Variants in CHIA observed in about 807,000 individuals in gnomAD.
CHIA encodes acidic mammalian chitinase.
In CHIA, 47 loss-of-function variants were observed where a neutral mutation model predicts 53.5. The ratio of observed to expected loss-of-function variants is 0.88; its 90% CI spans 0.70 to 1.12. CHIA has a LOEUF of 1.12. CHIA is among the 50% of genes most tolerant of loss of function. CHIA has a pLI of 0.00. For synonymous variants in CHIA, 268 were observed against 222.2 expected (o/e 1.21, Z -1.83); for missense variants, 652 against 592.2 (o/e 1.10, Z -1.05).
At chr1:111,314,461 C>A in intron 4 of CHIA, 79 bp from the exon 5 acceptor site, 3 of 980,060 alleles carry the variant, frequency 3.1e-6, no homozygotes, top group South Asian at 2.7e-5. Flanking sequence ...CTGACCAGAT[C>A]CAACACTAAA....
intron 1 of CHIA, among the ~76,000 whole-genome samples, chr1:111,292,813 T>C (rs1041815654): frequency 1.3e-5 from 2 of 152,200 alleles, no homozygotes; most frequent in East Asian, 3.9e-4. Context: ...CTATTCTAAG[T>C]ATCTCACATA....
intron 1 of CHIA, among the ~76,000 whole-genome samples, chr1:111,293,529 C>T (rs180801067): frequency 3.9e-5 from 6 of 152,062 alleles, no homozygotes; most frequent in African/African-American, 1.2e-4. Context: ...TCTACCATTC[C>T]GTGAGTTGCA....
rs939228758 is a variant in CHIA at position 111,314,458 on chromosome 1, G to A, written c.258-82G>A. 93 of 959,514 alleles carry A rather than the reference G, an allele frequency of 9.7e-5. 1 individual carries two copies. The highest frequency in any genetic ancestry group is 5.5e-5 in the Non-Finnish European group (33 of 595,902). The allele number at this position is 959,514 out of a possible 1,614,324, so 59.4% of individuals were successfully genotyped here. A position where few individuals can be genotyped will look rare whatever the true frequency, so the allele number is the denominator to read the frequency against. ...AAGGCAAAACAAAAATATCTGACCA[G>A]ATCCAACACTAAAGCAATGTATTTT... On this transcript the variant is annotated intron_variant, in intron 4 of 11. Coordinates refer to ENST00000369740, the MANE Select transcript of CHIA (RefSeq NM_201653.4).
intron 1 of CHIA, among the ~76,000 whole-genome samples, chr1:111,292,304 A>C (rs958378343): frequency 6.6e-6 from 1 of 152,242 alleles, no homozygotes; most frequent in Non-Finnish European, 1.5e-5. Context: ...CACAGGTGAA[A>C]TAACTTGTCT....
At chr1:111,316,334 G>A (rs1283501559) in intron 6 of CHIA, 1 of 155,012 alleles carries the variant, frequency 6.5e-6, no homozygotes, top group Non-Finnish European at 1.4e-5. Context: ...TACCATAGAG[G>A]ATAAATTAGA....
rs563134755 is a variant in CHIA at position 111,294,050 on chromosome 1, CGAGCCTGGGTGACAGAGTGA to C, written c.-69+3103_-69+3122del. Among the ~76,000 whole-genome samples the C allele has an allele frequency of 2.4e-3, 365 of 152,240 alleles. 2 individuals are homozygous for C. Among genetic ancestry groups the C allele is most frequent in the African/African-American group, 8.2e-3 (342 of 41,536 alleles). ...TGAGCTATGATCATGCCACTGCACT[CGAGCCTGGGTGACAGAGTGA>C]GACCCTGTCTCAAAAAACAATGACA... On this transcript the variant is annotated intron_variant, in intron 1 of 11. Coordinates refer to ENST00000369740, the MANE Select transcript of CHIA (RefSeq NM_201653.4).
In CHIA at chr1:111,319,407, C is replaced by A. The variant is rs541197537; in HGVS notation, c.1116C>A (p.Cys372Ter). ...TGGATGACTTCACTGGCACTTTCTG[C>A]AACCAGGGCAAGTTTCCCCTAATCT... Reference protein sequence around the residue: ...IDLDDFTGTFCNQGKFPLIST... With the variant: ...IDLDDFTGTF The change falls in exon 11 of 12, where the codon TGC (cysteine) becomes TGA (stop). Residue 372 changes from cysteine to a stop codon, truncating the protein, a stop_gained. Transcript: ENST00000369740. LOFTEE classifies it high-confidence loss of function. 6.2e-7 allele frequency: 1 copy of A among 1,614,158 alleles called. No homozygotes were observed. The highest frequency in any genetic ancestry group is 1.1e-5 in the South Asian group (1 of 91,080).
intron 1 of CHIA, among the ~76,000 whole-genome samples, chr1:111,294,104 A>G (rs1015593149): frequency 4.0e-4 from 61 of 152,130 alleles, no homozygotes; most frequent in African/African-American, 1.5e-3. Context: ...CAACAAAGAA[A>G]ACATCACTGG....
rs966945320 is a variant in CHIA at position 111,293,078 on chromosome 1, T to A, written c.-69+2128T>A. ...CAAATATTTCTTTGACACCAAGCTTTAAGTTATTTTGGGTATACCTAGAAG... is the reference window on the plus strand; with the variant it reads ...CAAATATTTCTTTGACACCAAGCTTAAAGTTATTTTGGGTATACCTAGAAG... On this transcript the variant is annotated intron_variant, in intron 1 of 11. Transcript: ENST00000369740. Among the ~76,000 whole-genome samples, 3 of 152,312 alleles carry A rather than the reference T, an allele frequency of 2.0e-5. No homozygotes were observed. In the East Asian group the frequency reaches 5.8e-4, roughly 29 times the overall value.
At position 111,318,475 on chromosome 1, in the gene CHIA, A is replaced by T. The variant is rs768777633; in HGVS notation, c.730-18A>T. 1.9e-6 allele frequency: 3 copies of T among 1,606,800 alleles called. No homozygotes were observed. In the South Asian group the frequency reaches 3.3e-5, roughly 18 times the overall value. ...CCTCAGCTGGTTGGGCCATGTAACT[A>T]ACCCACTGACATTGCAGGATTATGT... On this transcript the variant is annotated intron_variant, in intron 8 of 11. Transcript: ENST00000369740.
chr1:111,301,881 A>C (rs1647775212), intron 1 of CHIA, among the ~76,000 whole-genome samples: 1 of 151,982 alleles, frequency 6.6e-6, no homozygotes, highest in African/African-American at 2.4e-5. Context: ...AGGGCAGGGA[A>C]TATCACACAC....
At chr1:111,308,943 T>C (rs754740578) in intron 1 of CHIA, among the ~76,000 whole-genome samples, 9 of 152,228 alleles carry the variant, frequency 5.9e-5, no homozygotes, top group Non-Finnish European at 1.2e-4. Context: ...CTCTGGCACA[T>C]AGTAGGCACT....
rs549528699 is a variant in CHIA at position 111,318,634 on chromosome 1, G to T, written c.871G>T (p.Ala291Ser). The stretch of plus-strand genomic sequence containing the variant: ...TGCCCCCACCTCTGGTGCTGGTCCT[G>T]CTGGGCCCTATGCCAAGGAGTCTGG... ...IGAPTSGAGP[A>S]GPYAKESGIW... Residue 291 changes from alanine (A) to serine (S), a missense_variant, in exon 9 of 12, where the codon GCT (alanine) becomes TCT (serine). Ala to Ser is a moderately conservative substitution (Grantham distance 99). Coordinates refer to ENST00000369740, the MANE Select transcript of CHIA (RefSeq NM_201653.4). The T allele has an allele frequency of 2.5e-5, 40 of 1,614,196 alleles. No individual in the cohort carries two copies. The South Asian group carries it at 3.5e-4, about 14-fold the overall frequency.
Position 111,318,655 on chromosome 1 carries a change from T to G in CHIA, c.892T>G (p.Ser298Ala). The G allele has an allele frequency of 6.2e-7, 1 of 1,613,856 alleles. No individual in the cohort carries two copies. The highest frequency in any genetic ancestry group is 8.5e-7 in the Non-Finnish European group (1 of 1,179,894). The stretch of plus-strand genomic sequence containing the variant: ...TCCTGCTGGGCCCTATGCCAAGGAG[T>G]CTGGGATCTGGGCTTACTACGAGGT... ...AGPAGPYAKE[S>A]GIWAYYEICT... Residue 298 changes from serine (S) to alanine (A), a missense_variant, in exon 9 of 12, where the codon TCT (serine) becomes GCT (alanine). Ser to Ala is a moderately conservative substitution (Grantham distance 99). Coordinates refer to ENST00000369740, the MANE Select transcript of CHIA (RefSeq NM_201653.4).
intron 6 of CHIA, chr1:111,316,673 A>G (rs544275776): frequency 6.6e-6 from 1 of 152,308 alleles, no homozygotes; most frequent in African/African-American, 2.4e-5. Flanking sequence ...CAGAGTGCCC[A>G]GTAGGCATCA....
At position 111,294,120 on chromosome 1, in the gene CHIA, C is replaced by T. The variant is rs143616340; in HGVS notation, c.-69+3170C>T. Among the ~76,000 whole-genome samples the T allele has an allele frequency of 1.2e-3, 175 of 152,122 alleles. 2 individuals carry two copies. Among genetic ancestry groups the T allele is most frequent in the South Asian group, 0.01 (50 of 4,814 alleles). ...AACAAAGAAAACATCACTGGGATTTCGATAGGGATTGCATTGAATCTGTAC... is the reference window on the plus strand; with the variant it reads ...AACAAAGAAAACATCACTGGGATTTTGATAGGGATTGCATTGAATCTGTAC... On this transcript the variant is annotated intron_variant, in intron 1 of 11. Coordinates refer to ENST00000369740, the MANE Select transcript of CHIA (RefSeq NM_201653.4).
chr1:111,301,241 A>G (rs1245772937), intron 1 of CHIA, among the ~76,000 whole-genome samples: 1 of 152,228 alleles, frequency 6.6e-6, no homozygotes, highest in Non-Finnish European at 1.5e-5. Context: ...TATATACCCA[A>G]AGGATTATAA....
Position 111,317,714 on chromosome 1 carries a change from C to A in CHIA, c.514C>A (p.Gln172Lys). ...MREAFEQEAK[Q>K]INKPRLMVTA... Reference sequence around the variant, plus strand: ...TGAAGCTTTTGAGCAGGAGGCCAAGCAGATCAACAAGCCCAGGCTGATGGT... The same window carrying A: ...TGAAGCTTTTGAGCAGGAGGCCAAGAAGATCAACAAGCCCAGGCTGATGGT... The change falls in exon 7 of 12, where the codon CAG becomes AAG. Residue 172 changes from glutamine (Q) to lysine (K), a missense_variant. Coordinates refer to ENST00000369740, the MANE Select transcript of CHIA (RefSeq NM_201653.4). 6.2e-7 allele frequency: 1 copy of A among 1,614,124 alleles called. No homozygotes were observed. The highest frequency in any genetic ancestry group is 8.5e-7 in the Non-Finnish European group (1 of 1,180,014).
chr1:111,303,375 C>T (rs550252362), intron 1 of CHIA, among the ~76,000 whole-genome samples: 5 of 151,756 alleles, frequency 3.3e-5, no homozygotes, highest in African/African-American at 7.3e-5. Context: ...GTTGATTGTT[C>T]GTAGTGAAAT....
Sources: allele counts gnomAD v4.1 joint callset (sites outside exome capture counted in the v4.1 genomes callset), GRCh38; gene constraint gnomAD v4.1.1; transcripts MANE v1.5; gene names NCBI Gene and HGNC (gene_info 2026-07-23, HGNC 2026-07-21).